The following RNF212B variants were observed in gnomAD, a reference collection of about 807,000 sequenced individuals.
The protein encoded by RNF212B is E3 ubiquitin-protein ligase RNF212B.
RNF212B carries 52 observed loss-of-function variants against 55.5 expected under a neutral mutation model. That is an observed-to-expected ratio of 0.94 (90% CI 0.75 to 1.18). The LOEUF is 1.18. RNF212B is among the 50% of genes most tolerant of loss of function. The pLI, the probability that RNF212B is intolerant of heterozygous loss-of-function variation, is 0.00. For missense variants in RNF212B, 289 were observed against 350.4 expected, an observed-to-expected ratio of 0.82 and a Z score of 1.40; for synonymous variants, 99 against 121.4, an observed-to-expected ratio of 0.82 and a Z score of 1.21.
chr14:23,226,213 G>A (rs898873152), intron 2 of RNF212B, among the ~76,000 whole-genome samples: 1 of 148,874 alleles, frequency 6.7e-6, no homozygotes, highest in African/African-American at 2.5e-5. Context: ...CAGGAGAATC[G>A]CTTGAACCCA....
intron 13 of RNF212B, 85 bp from the exon 14 acceptor site, chr14:23,270,515 C>T (rs1359798161): frequency 1.1e-6 from 1 of 874,828 alleles, no homozygotes; most frequent in African/African-American, 1.7e-5. Flanking sequence ...CCTTTAAGAA[C>T]TACCTCATTA....
Position 23,213,015 on chromosome 14 carries a change from T to C in RNF212B, c.-2+19614T>C, listed in dbSNP as rs759913801. Among the ~76,000 whole-genome samples the C allele has an allele frequency of 2.2e-3, 332 of 151,968 alleles. 1 individual carries two copies. The highest frequency in any genetic ancestry group is 3.8e-3 in the Non-Finnish European group (260 of 67,960). On this transcript the variant is annotated intron_variant, in intron 2 of 15. Transcript: ENST00000399910. ...TAAAACATGTAAAAGACCTGTACAC[T>C]AAAAATTATAACACAGGCCGGGCAT... is the stretch of plus-strand genomic sequence containing the variant.
chr14:23,239,695 T>G (rs191991051), intron 1 of RNF212B, among the ~76,000 whole-genome samples: 1,750 of 152,172 alleles, frequency 0.012, 21 homozygotes, highest in Non-Finnish European at 0.017. Flanking sequence ...CTCAGCTCAC[T>G]GCAACCTCTG....
At chr14:23,209,565 G>A (rs192029820) in intron 2 of RNF212B, among the ~76,000 whole-genome samples, 8 of 152,212 alleles carry the variant, frequency 5.3e-5, no homozygotes, top group Non-Finnish European at 7.4e-5. Flanking sequence ...ACTAAATGGT[G>A]GAGTGGAAAC....
intron 2 of RNF212B, among the ~76,000 whole-genome samples, chr14:23,210,556 T>A (rs1373971791): frequency 2.1e-4 from 32 of 151,928 alleles, no homozygotes; most frequent in Non-Finnish European, 2.2e-4. Flanking sequence ...GGCGGGTGGA[T>A]CACGAGGTCA....
intron 2 of RNF212B, among the ~76,000 whole-genome samples, chr14:23,213,980 T>TA (rs1476048451): frequency 3.0e-4 from 46 of 152,240 alleles, no homozygotes; most frequent in African/African-American, 1.1e-3. Context: ...AAAAAGTGCT[T>TA]CAATGAATTG....
chr14:23,248,772 A>G (rs543691754), intron 4 of RNF212B, among the ~76,000 whole-genome samples: 6 of 152,250 alleles, frequency 3.9e-5, no homozygotes, highest in Non-Finnish European at 7.4e-5. Flanking sequence ...CACTAATCCC[A>G]TTCACAAGAG....
At chr14:23,225,568 C>T (rs1881927815) in intron 2 of RNF212B, among the ~76,000 whole-genome samples, 2 of 151,626 alleles carry the variant, frequency 1.3e-5, no homozygotes, top group South Asian at 2.1e-4. Flanking sequence ...GAAAGACAAA[C>T]ATTTCATGTT....
At chr14:23,229,220 T>A (rs375013845) in intron 2 of RNF212B, among the ~76,000 whole-genome samples, 5 of 65,042 alleles carry the variant, frequency 7.7e-5, no homozygotes, top group East Asian at 8.5e-4. Context: ...GAATAATATT[T>A]TATATATATA....
At position 23,240,438 on chromosome 14, in the gene RNF212B, G is replaced by T; in HGVS notation, c.93G>T (p.Val31=). 1.9e-6 allele frequency: 3 copies of T among 1,544,716 alleles called. No individual in the cohort carries two copies. Among genetic ancestry groups the T allele is most frequent in the Non-Finnish European group, 2.6e-6 (3 of 1,141,842 alleles). ...SCGHIFCKKC[V]TLEKCAVCGT... The stretch of plus-strand genomic sequence containing the variant: ...GCCATATTTTCTGTAAAAAGTGTGT[G>T]ACTCTGGGTGAGTGACTCAACTGTT... Residue 31 remains valine, a synonymous_variant, in exon 2 of 15, where the codon GTG becomes GTT. Coordinates refer to ENST00000430154, the MANE Select transcript of RNF212B (RefSeq NM_001282322.3).
At chr14:23,207,154 G>A (rs1332642438) in intron 2 of RNF212B, among the ~76,000 whole-genome samples, 2 of 152,162 alleles carry the variant, frequency 1.3e-5, no homozygotes, top group East Asian at 3.8e-4. Context: ...AGAGTTAAGC[G>A]AAACTAACAA....
At chr14:23,268,281 C>G (rs774468956) in intron 11 of RNF212B, among the ~76,000 whole-genome samples, 2 of 152,154 alleles carry the variant, frequency 1.3e-5, no homozygotes, top group African/African-American at 4.8e-5. Flanking sequence ...CTGTTCCATC[C>G]CCTCTAGTGA....
chr14:23,239,123 G>A (rs951048854), intron 1 of RNF212B, among the ~76,000 whole-genome samples: 1 of 152,112 alleles, frequency 6.6e-6, no homozygotes, highest in Non-Finnish European at 1.5e-5. Context: ...GAGTGCAGTG[G>A]CACGATCTTG....
intron 2 of RNF212B, among the ~76,000 whole-genome samples, chr14:23,207,067 ATT>A (rs922182730): frequency 6.6e-6 from 1 of 152,064 alleles, no homozygotes; most frequent in Non-Finnish European, 1.5e-5. Context: ...GCTGCTTAAA[ATT>A]TTTTTTCTTT....
intron 6 of RNF212B, among the ~76,000 whole-genome samples, chr14:23,260,388 C>T (rs1162681740): frequency 6.6e-6 from 1 of 152,204 alleles, no homozygotes; most frequent in Non-Finnish European, 1.5e-5. Flanking sequence ...TGTAGTGTGT[C>T]ATTTTCCTTT....
At chr14:23,217,281 A>C (rs1287379179) in intron 2 of RNF212B, among the ~76,000 whole-genome samples, 2 of 151,200 alleles carry the variant, frequency 1.3e-5, no homozygotes, top group African/African-American at 2.5e-5. Flanking sequence ...CTGCCTGTGG[A>C]AAGGGGAGGG....
At chr14:23,243,653 G>A (rs1427107548) in intron 3 of RNF212B, among the ~76,000 whole-genome samples, 1 of 132,526 alleles carries the variant, frequency 7.5e-6, no homozygotes, top group African/African-American at 2.9e-5. Context: ...CTGAGCTCGC[G>A]CCACTGCACT....
intron 2 of RNF212B, among the ~76,000 whole-genome samples, chr14:23,230,372 C>T (rs1348946793): frequency 2.0e-5 from 3 of 151,906 alleles, no homozygotes; most frequent in Admixed American, 6.6e-5. Context: ...AAGCCATTGC[C>T]GGCCGGGCGC....
At chr14:23,219,558 G>A (rs191039019) in intron 2 of RNF212B, among the ~76,000 whole-genome samples, 1 of 150,892 alleles carries the variant, frequency 6.6e-6, no homozygotes, top group African/African-American at 2.4e-5. Flanking sequence ...TGCAACCTCT[G>A]CCACCTGGGT....
Sources: allele counts gnomAD v4.1 joint callset (sites outside exome capture counted in the v4.1 genomes callset), GRCh38; gene constraint gnomAD v4.1.1; transcripts MANE v1.5; gene names NCBI Gene and HGNC (gene_info 2026-07-23, HGNC 2026-07-21).